Variants in PPFIA2 observed in about 807,000 individuals in gnomAD.
PPFIA2 encodes the protein liprin-alpha-2.
Under a neutral mutation model 175.5 loss-of-function variants are expected in PPFIA2, and 46 were observed. The ratio of observed to expected loss-of-function variants is 0.26; its 90% CI spans 0.21 to 0.34. PPFIA2 has a LOEUF of 0.34. Among genes scored for constraint, PPFIA2 ranks in the 10% least tolerant of loss-of-function variants. The pLI is 1.00. For synonymous variants in PPFIA2, 568 were observed against 511.4 expected (o/e 1.11, Z -1.49); for missense variants, 1,179 against 1,506.1 (o/e 0.78, Z 3.60).
chr12:81,361,466 C>T (rs969449287), intron 15 of PPFIA2, among the ~76,000 whole-genome samples: 6 of 151,586 alleles, frequency 4.0e-5, no homozygotes, highest in Middle Eastern at 3.2e-3. Flanking sequence ...TAATGACTTA[C>T]ATATGTAAAA....
intron 3 of PPFIA2, among the ~76,000 whole-genome samples, chr12:81,708,974 C>T (rs2077546666): frequency 6.6e-6 from 1 of 152,146 alleles, no homozygotes; most frequent in Non-Finnish European, 1.5e-5. Flanking sequence ...TCTTTTGTTA[C>T]TGTAAAAGTG....
At chr12:81,637,236 ATTTTTTTTTTTTTTTTTT>A (rs71098156) in intron 4 of PPFIA2, among the ~76,000 whole-genome samples, 32 of 65,912 alleles carry the variant, frequency 4.9e-4, no homozygotes, top group African/African-American at 2.0e-3. Context: ...CGCCAGGCTA[ATTTTTTTTTTTTTTTTTT>A]TTTTTTTTTT....
chr12:81,723,825 T>C (rs1318893133), intron 3 of PPFIA2, among the ~76,000 whole-genome samples: 1 of 150,986 alleles, frequency 6.6e-6, no homozygotes, highest in Non-Finnish European at 1.5e-5. Flanking sequence ...TTGCTTTATA[T>C]CTGAAAGCAT....
At chr12:81,280,187 G>C (rs1389893545) in intron 27 of PPFIA2, among the ~76,000 whole-genome samples, 1 of 152,088 alleles carries the variant, frequency 6.6e-6, no homozygotes, top group Non-Finnish European at 1.5e-5. Context: ...AACATGCCTT[G>C]TCAAGCCATT....
intron 32 of PPFIA2, 46 bp downstream of exon 32, chr12:81,261,903 A>C (rs182224954): frequency 7.3e-7 from 1 of 1,361,814 alleles, no homozygotes; most frequent in Admixed American, 2.2e-5. Context: ...TGTAGGTTCC[A>C]TTTTTTTGTC....
intron 7 of PPFIA2, among the ~76,000 whole-genome samples, chr12:81,412,323 T>C (rs535485835): frequency 4.1e-4 from 53 of 130,446 alleles, no homozygotes; most frequent in Middle Eastern, 8.5e-3. Context: ...GATTACATTC[T>C]AGTTAAGGAG....
At chr12:81,589,611 T>C (rs1221288138) in intron 4 of PPFIA2, among the ~76,000 whole-genome samples, 2 of 152,138 alleles carry the variant, frequency 1.3e-5, no homozygotes, top group Admixed American at 1.3e-4. Flanking sequence ...TAGTTTAGAA[T>C]ACTTTTGTTG....
At chr12:81,535,478 C>T in intron 4 of PPFIA2, 1 of 455,254 alleles carries the variant, frequency 2.2e-6, no homozygotes, top group South Asian at 1.6e-5. Flanking sequence ...CAGAATCTCA[C>T]TGTAGCAGGT....
chr12:81,306,859 A>G (rs1468695062), intron 22 of PPFIA2, among the ~76,000 whole-genome samples: 1 of 151,940 alleles, frequency 6.6e-6, no homozygotes, highest in Non-Finnish European at 1.5e-5. Context: ...ACTTTAAATA[A>G]TCATAGCACT....
intron 28 of PPFIA2, among the ~76,000 whole-genome samples, chr12:81,272,490 T>C (rs747733240): frequency 6.6e-6 from 1 of 152,194 alleles, no homozygotes; most frequent in African/African-American, 2.4e-5. Flanking sequence ...TTTAAGTCTT[T>C]ATACTTTTCA....
At chr12:81,539,982 A>T (rs1351933171) in intron 4 of PPFIA2, among the ~76,000 whole-genome samples, 2 of 152,078 alleles carry the variant, frequency 1.3e-5, no homozygotes, top group South Asian at 4.1e-4. Flanking sequence ...TTAAACATCC[A>T]GGCATTATTA....
At position 81,735,595 on chromosome 12, in the gene PPFIA2, G is replaced by A. The variant is rs2153646372; in HGVS notation, c.249+18378C>T. On this transcript the variant is annotated intron_variant, in intron 3 of 32. Transcript: ENST00000549396. ...TATAAGTTTTTTTTATTTTGATGAAGTTCTATTTATAATTTTTTTTGTGGA... is the reference window on the plus strand; with the variant it reads ...TATAAGTTTTTTTTATTTTGATGAAATTCTATTTATAATTTTTTTTGTGGA... Among the ~76,000 whole-genome samples the A allele has an allele frequency of 2.0e-5, 3 of 151,670 alleles. 1 individual carries two copies. The highest frequency in any genetic ancestry group is 2.0e-4 in the Admixed American group (3 of 15,168).
chr12:81,725,096 T>G (rs1157585757), intron 3 of PPFIA2, among the ~76,000 whole-genome samples: 1 of 151,162 alleles, frequency 6.6e-6, no homozygotes, highest in African/African-American at 2.4e-5. Flanking sequence ...TGAACATTTT[T>G]TCATACACAT....
At chr12:81,268,914 T>C (rs1419050343) in intron 28 of PPFIA2, among the ~76,000 whole-genome samples, 1 of 152,208 alleles carries the variant, frequency 6.6e-6, no homozygotes, top group African/African-American at 2.4e-5. Context: ...ATATAAGGCA[T>C]CAACAGATGG....
chr12:81,410,661 G>A (rs1244289228), intron 7 of PPFIA2, among the ~76,000 whole-genome samples: 1 of 151,914 alleles, frequency 6.6e-6, no homozygotes, highest in Non-Finnish European at 1.5e-5. Flanking sequence ...TTTCACTGGA[G>A]ACTTTTCCTT....
chr12:81,425,647 T>A (rs1421809233), intron 7 of PPFIA2, among the ~76,000 whole-genome samples: 1 of 152,234 alleles, frequency 6.6e-6, no homozygotes, highest in Non-Finnish European at 1.5e-5. Flanking sequence ...GTGCTGGGAT[T>A]ACGGGCGTGA....
intron 15 of PPFIA2, among the ~76,000 whole-genome samples, chr12:81,361,323 T>C (rs1255814956): frequency 6.6e-6 from 1 of 151,682 alleles, no homozygotes; most frequent in Non-Finnish European, 1.5e-5. Flanking sequence ...CCAGTTCTTC[T>C]CCTTCTCCTT....
rs531615474 is a variant in PPFIA2 at position 81,402,464 on chromosome 12, ATAT to A, written c.762+3320_762+3322del. 2.4e-3 allele frequency among the ~76,000 whole-genome samples: 369 copies of A among 152,276 alleles called. 1 individual carries two copies. Among genetic ancestry groups the A allele is most frequent in the Non-Finnish European group, 3.7e-3 (253 of 68,010 alleles). ...ATTTTGATAAGAAAAATGCTCTATA[ATAT>A]TATATGTGTGTAACTTGGGAGTATT... On this transcript the variant is annotated intron_variant, in intron 8 of 32. Transcript: ENST00000549396.
At chr12:81,522,616 T>A (rs1324098924) in intron 4 of PPFIA2, among the ~76,000 whole-genome samples, 1 of 152,230 alleles carries the variant, frequency 6.6e-6, no homozygotes, top group African/African-American at 2.4e-5. Flanking sequence ...AATATATCTT[T>A]ATAAAAATTA....
Sources: gnomAD v4.1 joint callset for allele counts (sites outside exome capture counted in the v4.1 genomes callset) on GRCh38, gnomAD v4.1.1 for gene constraint, MANE v1.5 for transcripts, NCBI Gene and HGNC (gene_info 2026-07-23, HGNC 2026-07-21) for gene names.